Variants in HECW1 observed in about 807,000 individuals in gnomAD.
HECW1 encodes the protein E3 ubiquitin-protein ligase HECW1.
Under a neutral mutation model 182.3 loss-of-function variants are expected in HECW1, and 61 were observed. The observed-to-expected ratio is 0.33, with a 90% confidence interval of 0.27 to 0.41. The LOEUF is 0.41. HECW1 is among the 10% of genes least tolerant of loss of function. The probability of loss-of-function intolerance (pLI) is 1.00; values close to 1 mark genes in which losing one functional copy is unlikely to be tolerated. For missense variants in HECW1, 1,739 were observed against 2,108.9 expected, an observed-to-expected ratio of 0.82 and a Z score of 3.44; for synonymous variants, 859 against 832.6, an observed-to-expected ratio of 1.03 and a Z score of -0.55.
chr7:43,509,755 T>C (rs887369464), intron 24 of HECW1: 2 of 152,294 alleles, frequency 1.3e-5, no homozygotes, highest in African/African-American at 4.8e-5. Flanking sequence ...GGCACTTTCC[T>C]GCTGCATCAC....
intron 4 of HECW1, among the ~76,000 whole-genome samples, chr7:43,319,775 A>ATTTTTTTTTTTTTTTTTTT (rs10604163): frequency 9.5e-6 from 1 of 105,534 alleles, no homozygotes; most frequent in Non-Finnish European, 1.7e-5. Context: ...AATTTTTGTA[A>ATTTTTTTTTTTTTTTTTTT]TTTTTTTTTT....
chr7:43,503,396 A>G (rs1297980449), intron 21 of HECW1, among the ~76,000 whole-genome samples: 1 of 152,230 alleles, frequency 6.6e-6, no homozygotes, highest in Non-Finnish European at 1.5e-5. Flanking sequence ...TAATGTGCCT[A>G]TGCTTTGGTC....
intron 5 of HECW1, among the ~76,000 whole-genome samples, chr7:43,325,420 G>A (rs1810638102): frequency 6.6e-6 from 1 of 152,114 alleles, no homozygotes; most frequent in Non-Finnish European, 1.5e-5. Context: ...TCCAAGTCAG[G>A]GCTTGGATTG....
intron 7 of HECW1, among the ~76,000 whole-genome samples, chr7:43,401,498 AC>A (rs1224466105): frequency 6.6e-6 from 1 of 151,926 alleles, no homozygotes; most frequent in Non-Finnish European, 1.5e-5. Flanking sequence ...ATTAAAGAAG[AC>A]CATCAGGTGC....
chr7:43,415,567 C>T (rs1425971509), intron 8 of HECW1, among the ~76,000 whole-genome samples: 1 of 151,972 alleles, frequency 6.6e-6, no homozygotes, highest in Non-Finnish European at 1.5e-5. Flanking sequence ...TGAATCTGAA[C>T]ATTGGCCTGC....
At chr7:43,487,781 A>G (rs1267478470) in intron 17 of HECW1, among the ~76,000 whole-genome samples, 2 of 151,978 alleles carry the variant, frequency 1.3e-5, no homozygotes, top group Non-Finnish European at 2.9e-5. Flanking sequence ...ACATAGCAAG[A>G]ACCCATCTCT....
At chr7:43,293,317 T>A (rs1221157303) in intron 3 of HECW1, among the ~76,000 whole-genome samples, 1 of 151,366 alleles carries the variant, frequency 6.6e-6, no homozygotes, top group African/African-American at 2.4e-5. Context: ...AGGGCCCGAA[T>A]ACAGAATCTT....
chr7:43,523,566 G>A (rs2080616104), intron 24 of HECW1, among the ~76,000 whole-genome samples: 1 of 152,138 alleles, frequency 6.6e-6, no homozygotes, highest in African/African-American at 2.4e-5. Flanking sequence ...TTGAACCCGG[G>A]AGGTGGAGGT....
chr7:43,536,369 C>G (rs918412103), intron 24 of HECW1, among the ~76,000 whole-genome samples: 6 of 152,224 alleles, frequency 3.9e-5, no homozygotes, highest in Admixed American at 3.3e-4. Context: ...ACTCTTCCCC[C>G]TCCACTGCCC....
At chr7:43,487,760 C>T (rs896939884) in intron 17 of HECW1, among the ~76,000 whole-genome samples, 1 of 151,880 alleles carries the variant, frequency 6.6e-6, no homozygotes, top group African/African-American at 2.4e-5. Flanking sequence ...AGTTCAAGAC[C>T]AGCCTAGGCA....
intron 2 of HECW1, among the ~76,000 whole-genome samples, chr7:43,185,211 A>G (rs553087520): frequency 1.4e-4 from 22 of 152,248 alleles, no homozygotes; most frequent in Admixed American, 1.2e-3. Flanking sequence ...CCTGAAGGGT[A>G]GCACACCTAG....
At chr7:43,559,011 C>A (rs1008078039) in intron 29 of HECW1, among the ~76,000 whole-genome samples, 1 of 152,152 alleles carries the variant, frequency 6.6e-6, no homozygotes, top group Non-Finnish European at 1.5e-5. Context: ...CTTACATAAC[C>A]GGCTGAACAA....
chr7:43,228,020 C>T (rs2152707124), intron 2 of HECW1, among the ~76,000 whole-genome samples: 1 of 152,346 alleles, frequency 6.6e-6, no homozygotes, highest in East Asian at 1.9e-4. Context: ...ATGTTTACCT[C>T]TATCTGGCTG....
chr7:43,247,964 A>G (rs1367419126), intron 3 of HECW1, among the ~76,000 whole-genome samples: 1 of 136,030 alleles, frequency 7.4e-6, no homozygotes, highest in East Asian at 2.1e-4. Flanking sequence ...AAGGAAAGAA[A>G]AAGAGAAAGG....
chr7:43,270,905 A>C (rs1289408015), intron 3 of HECW1, among the ~76,000 whole-genome samples: 1 of 152,234 alleles, frequency 6.6e-6, no homozygotes, highest in Non-Finnish European at 1.5e-5. Flanking sequence ...TTTGAAAAGA[A>C]GTATGTGGAA....
chr7:43,185,819 T>A (rs1297881440), intron 2 of HECW1, among the ~76,000 whole-genome samples: 1 of 152,200 alleles, frequency 6.6e-6, no homozygotes, highest in East Asian at 1.9e-4. Context: ...ACATTTTCCT[T>A]TAATATAATT....
At chr7:43,336,042 C>CTCCT (rs1362025122) in intron 5 of HECW1, among the ~76,000 whole-genome samples, 1 of 145,128 alleles carries the variant, frequency 6.9e-6, no homozygotes, top group African/African-American at 2.6e-5. Flanking sequence ...TTCTTTCTCT[C>CTCCT]TCCTTCCTTC....
intron 2 of HECW1, among the ~76,000 whole-genome samples, chr7:43,190,195 C>T (rs191740287): frequency 1.6e-3 from 249 of 152,296 alleles, no homozygotes; most frequent in African/African-American, 5.7e-3. Context: ...CCCACTGCAA[C>T]CTCCACCTCC....
At chr7:43,510,886 C>G (rs1365764956) in intron 24 of HECW1, 2 of 152,226 alleles carry the variant, frequency 1.3e-5, no homozygotes, top group Non-Finnish European at 2.9e-5. Context: ...ACAGAAGATA[C>G]TGTGGCCCAC....
Sources: gnomAD v4.1 joint callset for allele counts (sites outside exome capture counted in the v4.1 genomes callset) on GRCh38, gnomAD v4.1.1 for gene constraint, MANE v1.5 for transcripts, NCBI Gene and HGNC (gene_info 2026-07-23, HGNC 2026-07-21) for gene names.